The following TBC1D31 variants were observed in gnomAD, a reference collection of about 807,000 sequenced individuals.
TBC1D31 encodes TBC1 domain family member 31.
TBC1D31 carries 99 observed loss-of-function variants against 132.9 expected under a neutral mutation model. That is an observed-to-expected ratio of 0.74 (90% CI 0.63 to 0.88). The LOEUF (loss-of-function observed/expected upper bound fraction) is 0.88. Among genes scored for constraint, TBC1D31 ranks in the 40% least tolerant of loss-of-function variants. TBC1D31 has a pLI of 0.00. For synonymous variants in TBC1D31, 385 were observed against 419.4 expected, an observed-to-expected ratio of 0.92 and a Z score of 1.00; for missense variants, 1,134 against 1,256.6, an observed-to-expected ratio of 0.90 and a Z score of 1.48.
chr8:123,096,214 C>A (rs1188044068), intron 5 of TBC1D31, among the ~76,000 whole-genome samples: 1 of 152,024 alleles, frequency 6.6e-6, no homozygotes, highest in Non-Finnish European at 1.5e-5. Flanking sequence ...CAACCCCCCA[C>A]CCCTCATTTC....
chr8:123,148,845 A>G (rs1043625810), intron 20 of TBC1D31, among the ~76,000 whole-genome samples: 5 of 152,054 alleles, frequency 3.3e-5, no homozygotes, highest in African/African-American at 1.2e-4. Context: ...CCTGGCCGAC[A>G]TGGCCAACAT....
At chr8:123,082,904 G>C (rs1447312821) in intron 3 of TBC1D31, 87 bp downstream of exon 3, 4 of 892,380 alleles carry the variant, frequency 4.5e-6, no homozygotes, top group Non-Finnish European at 6.9e-6. Flanking sequence ...TACAGCTTGA[G>C]GGGGCAGTCC....
the TBC1D31 span, among the ~76,000 whole-genome samples, chr8:123,161,878 C>T: frequency 1.3e-5 from 2 of 151,556 alleles, no homozygotes; most frequent in Non-Finnish European, 2.9e-5. Flanking sequence ...ATTAGCCGGG[C>T]GTGGTGGTGG....
At chr8:123,164,311 T>G in the TBC1D31 span, among the ~76,000 whole-genome samples, 2 of 151,998 alleles carry the variant, frequency 1.3e-5, no homozygotes, top group Non-Finnish European at 2.9e-5. Flanking sequence ...ACATCAAAAC[T>G]CCCTTGGCCC....
chr8:123,147,318 G>A (rs1162355582), intron 20 of TBC1D31, among the ~76,000 whole-genome samples: 9 of 151,966 alleles, frequency 5.9e-5, no homozygotes, highest in African/African-American at 1.9e-4. Context: ...GACAACAGGC[G>A]CCCACCACCA....
chr8:123,078,455 A>G (rs887882317), intron 2 of TBC1D31, among the ~76,000 whole-genome samples: 1 of 152,204 alleles, frequency 6.6e-6, no homozygotes, highest in South Asian at 2.1e-4. Flanking sequence ...ATGTACACAT[A>G]TATGTACACA....
chr8:123,084,045 G>A (rs948982246), intron 3 of TBC1D31, 117 bp from the exon 4 acceptor site: 3 of 800,796 alleles, frequency 3.7e-6, no homozygotes, highest in Admixed American at 2.4e-5. Flanking sequence ...ATTAATGGAG[G>A]TGCCTCATAT....
chr8:123,140,655 T>C, intron 17 of TBC1D31, 106 bp from the exon 18 acceptor site: 2 of 919,184 alleles, frequency 2.2e-6, no homozygotes, highest in Non-Finnish European at 3.2e-6. Flanking sequence ...GAAAATTAGA[T>C]GATTACAGCT....
chr8:123,078,634 G>A (rs1315704349), intron 2 of TBC1D31, among the ~76,000 whole-genome samples: 11 of 152,164 alleles, frequency 7.2e-5, no homozygotes, highest in African/African-American at 9.7e-5. Flanking sequence ...AGTACAGGAT[G>A]AGCCTGTAAC....
intron 7 of TBC1D31, among the ~76,000 whole-genome samples, chr8:123,105,057 T>C (rs986435865): frequency 6.6e-6 from 1 of 152,234 alleles, no homozygotes; most frequent in African/African-American, 2.4e-5. Context: ...TATTTATTGC[T>C]ATTGTTAATC....
rs3080678 is a variant in TBC1D31, at chr8:123,144,926, A to ATTT, written c.2974+84_2974+86dup. 2,476 of 1,142,538 alleles carry ATTT rather than the reference A, an allele frequency of 2.2e-3. 36 individuals are homozygous for ATTT. In the African/African-American group the frequency reaches 0.037, roughly 17 times the overall value. 70.8% of individuals were successfully genotyped at this position (1,142,538 alleles called of 1,614,324 possible). A position where few individuals can be genotyped will look rare whatever the true frequency, so the allele number is the denominator to read the frequency against. ...TCTTTTAGTAGGGTCTATTATTATG[A>ATTT]TTTTTTTTTTTTTTTGAGATAGGGT... On this transcript the variant is annotated intron_variant, in intron 20 of 21. Transcript: ENST00000287380.
chr8:123,147,996 A>G (rs374889322), intron 20 of TBC1D31, among the ~76,000 whole-genome samples: 158 of 152,126 alleles, frequency 1.0e-3, no homozygotes, highest in African/African-American at 3.1e-3. Context: ...GCGTGGTGGT[A>G]CACACCTGTA....
chr8:123,128,035 T>C (rs1820244305), intron 13 of TBC1D31: 1 of 294,340 alleles, frequency 3.4e-6, no homozygotes. Context: ...AAGCATTCTT[T>C]TTCTATTGTA....
chr8:123,076,460 C>G (rs1314906929), intron 1 of TBC1D31, among the ~76,000 whole-genome samples: 1 of 152,002 alleles, frequency 6.6e-6, no homozygotes, highest in Non-Finnish European at 1.5e-5. Flanking sequence ...GAAAAATAAG[C>G]TCCCTTACTG....
chr8:123,107,773 C>T (rs1818074144), intron 8 of TBC1D31, among the ~76,000 whole-genome samples: 1 of 152,150 alleles, frequency 6.6e-6, no homozygotes, highest in Admixed American at 6.6e-5. Flanking sequence ...CCAAGGAAAC[C>T]ATAGCCAGTT....
chr8:123,094,298 G>C (rs1816636420), intron 5 of TBC1D31, among the ~76,000 whole-genome samples: 1 of 151,772 alleles, frequency 6.6e-6, no homozygotes, highest in African/African-American at 2.4e-5. Flanking sequence ...TCCTGACCTT[G>C]TGATCCGCCC....
rs775274122 is a variant in TBC1D31 at position 123,084,284 on chromosome 8, G to C, written c.463G>C (p.Asp155His). Residue 155 changes from aspartate (D) to histidine (H), a missense_variant, in exon 4 of 22, where the codon GAT becomes CAT. By Grantham distance (81) the Asp-to-His change is moderately conservative. Transcript: ENST00000287380. ...TGATACAGCACAATTATGGGACTTGGATACCTTTCAGAGAAAAAGAAAGCT... is the reference window on the plus strand; with the variant it reads ...TGATACAGCACAATTATGGGACTTGCATACCTTTCAGAGAAAAAGAAAGCT... ...SSDTAQLWDL[D>H]TFQRKRKLNI... 1 of 1,614,164 alleles carries C rather than the reference G, an allele frequency of 6.2e-7. No homozygotes were observed. Among genetic ancestry groups the C allele is most frequent in the Non-Finnish European group, 8.5e-7 (1 of 1,180,024 alleles).
chr8:123,117,252 C>G (rs906726385), intron 10 of TBC1D31, among the ~76,000 whole-genome samples: 1 of 150,884 alleles, frequency 6.6e-6, no homozygotes, highest in Non-Finnish European at 1.5e-5. Flanking sequence ...GAGGTAGAGG[C>G]TGCAATGAGC....
Position 123,072,708 on chromosome 8 carries a change from T to C in TBC1D31, c.-62T>C. ...TTTCCCGGGCCGGGAGCGCTGGGCCTGCCGGGAAGGCGCTGGGACGGTTAC... is the reference window on the plus strand; with the variant it reads ...TTTCCCGGGCCGGGAGCGCTGGGCCCGCCGGGAAGGCGCTGGGACGGTTAC... On this transcript the variant is annotated 5_prime_UTR_variant, in exon 1 of 22. Transcript: ENST00000287380. 1 of 1,525,494 alleles carries C rather than the reference T, an allele frequency of 6.6e-7. No homozygotes were observed. Among genetic ancestry groups the C allele is most frequent in the Non-Finnish European group, 8.9e-7 (1 of 1,127,044 alleles). 94.5% of individuals were successfully genotyped at this position (1,525,494 alleles called of 1,614,324 possible).
Sources: gnomAD v4.1 joint callset for allele counts (sites outside exome capture counted in the v4.1 genomes callset) on GRCh38, gnomAD v4.1.1 for gene constraint, MANE v1.5 for transcripts, NCBI Gene and HGNC (gene_info 2026-07-23, HGNC 2026-07-21) for gene names.